SLC67A1: variants seen among roughly 807,000 people sequenced by gnomAD.
The protein encoded by SLC67A1 is solute carrier family 67 member 1.
chr11:2,910,708 G>A, the SLC67A1 span, among the ~76,000 whole-genome samples: 2 of 152,178 alleles, frequency 1.3e-5, no homozygotes, highest in African/African-American at 2.4e-5. Flanking sequence ...GAAAGCAGAG[G>A]GTAGATTCTG....
At chr11:2,914,960 T>G in the SLC67A1 span, 1 of 985,344 alleles carries the variant, frequency 1.0e-6, no homozygotes, top group Non-Finnish European at 1.2e-6. Context: ...TTCCCTGGCA[T>G]TTTCCCAAAG....
the SLC67A1 span, chr11:2,903,765 C>T: frequency 2.0e-6 from 1 of 496,268 alleles, no homozygotes; most frequent in African/African-American, 1.9e-5. Context: ...CTCCTCAAAC[C>T]TTCCTAGCGC....
At chr11:2,907,388 T>C in the SLC67A1 span, among the ~76,000 whole-genome samples, 1 of 152,178 alleles carries the variant, frequency 6.6e-6, no homozygotes, top group South Asian at 2.1e-4. This position sits in a 1 kb window ranked among gnomAD's most constrained non-coding sequence, Gnocchi z 6.7. Context: ...TTCCAGCCCC[T>C]GGGAGCCCAG....
the SLC67A1 span, among the ~76,000 whole-genome samples, chr11:2,907,116 G>A: frequency 6.6e-6 from 1 of 151,812 alleles, no homozygotes. The surrounding 1 kb of genome is among the most constrained non-coding windows in gnomAD (Gnocchi z 6.7). Context: ...ACTGCCCTTG[G>A]GACTGAAGTG....
At chr11:2,925,029 C>T in the SLC67A1 span, 359 of 1,611,954 alleles carry the variant, frequency 2.2e-4, 1 homozygote, top group Non-Finnish European at 2.1e-4. The surrounding 1 kb of genome is among the most constrained non-coding windows in gnomAD (Gnocchi z 6.5). Context: ...TGGGCCTCTG[C>T]GCCTCTGTAC....
At chr11:2,907,815 A>G in the SLC67A1 span, among the ~76,000 whole-genome samples, 2 of 152,188 alleles carry the variant, frequency 1.3e-5, no homozygotes, top group Admixed American at 1.3e-4. This position sits in a 1 kb window ranked among gnomAD's most constrained non-coding sequence, Gnocchi z 6.7. Context: ...CACAGAGCAG[A>G]CTGTGTCCTG....
chr11:2,907,536 C>A, the SLC67A1 span, among the ~76,000 whole-genome samples: 3 of 152,198 alleles, frequency 2.0e-5, no homozygotes, highest in South Asian at 6.2e-4. The surrounding 1 kb of genome is among the most constrained non-coding windows in gnomAD (Gnocchi z 6.7). Context: ...TCCCTCATGT[C>A]CTCACTGTAA....
At chr11:2,902,535 G>C in the SLC67A1 span, 9 of 979,380 alleles carry the variant, frequency 9.2e-6, no homozygotes, top group East Asian at 1.1e-4. Context: ...CGCAGCTCCC[G>C]GACCCTCAGG....
chr11:2,923,232 G>A, the SLC67A1 span, among the ~76,000 whole-genome samples: 2 of 152,164 alleles, frequency 1.3e-5, no homozygotes, highest in South Asian at 4.1e-4. This position sits in a 1 kb window ranked among gnomAD's most constrained non-coding sequence, Gnocchi z 6.5. Context: ...GAGTCCTTTG[G>A]AGTACTGGAG....
chr11:2,899,979 C>G, the SLC67A1 span, among the ~76,000 whole-genome samples: 16 of 152,312 alleles, frequency 1.1e-4, no homozygotes, highest in African/African-American at 3.6e-4. Context: ...TCCCTCACAC[C>G]TGCCCCATTG....
At chr11:2,916,687 G>T in the SLC67A1 span, 4 of 1,612,988 alleles carry the variant, frequency 2.5e-6, no homozygotes, top group African/African-American at 4.0e-5. Flanking sequence ...AGCTTCACCT[G>T]CATCCCCGCC....
At chr11:2,909,783 T>A in the SLC67A1 span, 1 of 1,368,858 alleles carries the variant, frequency 7.3e-7, no homozygotes, top group African/African-American at 1.5e-5. Context: ...CCCCGCCTCC[T>A]CTTGGCCTCG....
the SLC67A1 span, among the ~76,000 whole-genome samples, chr11:2,904,626 T>C: frequency 6.6e-6 from 1 of 152,222 alleles, no homozygotes; most frequent in Non-Finnish European, 1.5e-5. Context: ...TCGACTCTCA[T>C]GGGGAGTAAC....
the SLC67A1 span, among the ~76,000 whole-genome samples, chr11:2,910,324 G>C: frequency 5.3e-3 from 809 of 152,256 alleles, 31 homozygotes; most frequent in Admixed American, 0.043. Context: ...CTGAGTCCCT[G>C]GGATGAAGGG....
chr11:2,904,762 G>C, the SLC67A1 span, among the ~76,000 whole-genome samples: 1 of 152,226 alleles, frequency 6.6e-6, no homozygotes, highest in Non-Finnish European at 1.5e-5. Context: ...CAGTGGGAAG[G>C]GGGCGAGGTC....
the SLC67A1 span, chr11:2,908,434 C>A: frequency 1.5e-5 from 12 of 777,810 alleles, no homozygotes; most frequent in East Asian, 3.2e-4. Context: ...ACACCGGACC[C>A]CCCTGGGATG....
At chr11:2,922,135 A>G in the SLC67A1 span, 1 of 1,613,374 alleles carries the variant, frequency 6.2e-7, no homozygotes, top group Non-Finnish European at 8.5e-7. Context: ...GCAGCTGAGC[A>G]GCCACTTCTC....
At chr11:2,919,581 G>A in the SLC67A1 span, 6 of 595,944 alleles carry the variant, frequency 1.0e-5, no homozygotes, top group African/African-American at 1.9e-5. Flanking sequence ...AGAGCCAACT[G>A]CAGTGGTGGG....
chr11:2,902,483 CCCCCA>C, the SLC67A1 span: 1 of 659,040 alleles, frequency 1.5e-6, no homozygotes, highest in Non-Finnish European at 1.9e-6. Context: ...TGCCCTGCTC[CCCCCA>C]GCCTCCCTGC....
Sources: allele counts gnomAD v4.1 joint callset (sites outside exome capture counted in the v4.1 genomes callset), GRCh38; gene constraint gnomAD v4.1.1; non-coding constraint Gnocchi (gnomAD v3.1); transcripts MANE v1.5; gene names NCBI Gene and HGNC (gene_info 2026-07-23, HGNC 2026-07-21).